KBTBD11: variants seen among roughly 807,000 people sequenced by gnomAD.
KBTBD11 encodes kelch repeat and BTB domain containing 11.
For synonymous variants in KBTBD11, 747 were observed against 499.0 expected, an observed-to-expected ratio of 1.50 and a Z score of -6.63; for missense variants, 1,390 against 1,001.8, an observed-to-expected ratio of 1.39 and a Z score of -5.23.
chr8:1,999,130 T>C (rs866327646), intron 1 of KBTBD11, among the ~76,000 whole-genome samples: 6 of 152,116 alleles, frequency 3.9e-5, no homozygotes, highest in East Asian at 3.9e-4. Context: ...CAACATTTTA[T>C]TGTGAAAGAT....
In KBTBD11 at chr8:2,001,740, C is replaced by A; in HGVS notation, c.548C>A (p.Ala183Glu). The change falls in exon 2 of 2, where the codon GCG becomes GAG. Residue 183 changes from alanine (A) to glutamate (E), a missense_variant. Transcript: ENST00000320248. ...CGGGTGCAGGGAGTGAGCCTGACGG[C>A]GCTGCGGCTGCTCCTCGCCGACGCC... is the stretch of plus-strand genomic sequence containing the variant. ...VLRVQGVSLT[A>E]LRLLLADAYS... The A allele has an allele frequency of 1.5e-6, 2 of 1,340,770 alleles. No individual in the cohort carries two copies. Among genetic ancestry groups the A allele is most frequent in the South Asian group, 1.8e-5 (1 of 54,764 alleles). The allele number at this position is 1,340,770 out of a possible 1,614,324, so 83.1% of individuals were successfully genotyped here. A position where few individuals can be genotyped will look rare whatever the true frequency, so the allele number is the denominator to read the frequency against.
chr8:1,981,959 G>C (rs1816554036), intron 1 of KBTBD11, among the ~76,000 whole-genome samples: 1 of 152,144 alleles, frequency 6.6e-6, no homozygotes, highest in Admixed American at 6.6e-5. Context: ...ATAACTGTGT[G>C]AGCCAGTTCC....
chr8:1,979,561 G>C (rs901798944), intron 1 of KBTBD11, among the ~76,000 whole-genome samples: 2 of 152,194 alleles, frequency 1.3e-5, no homozygotes, highest in East Asian at 1.9e-4. Context: ...CCCAGGGGGC[G>C]GAGGTTGCAG....
chr8:2,001,717 G>T lies in KBTBD11; in HGVS notation c.525G>T (p.Arg175=). The T allele has an allele frequency of 7.1e-7, 1 of 1,413,916 alleles. No homozygotes were observed. Among genetic ancestry groups the T allele is most frequent in the Non-Finnish European group, 9.2e-7 (1 of 1,088,034 alleles). 87.6% of individuals were successfully genotyped at this position (1,413,916 alleles called of 1,614,324 possible). The change falls in exon 2 of 2, where the codon CGG becomes CGT. Residue 175 remains arginine (R), a synonymous_variant. Coordinates refer to ENST00000320248, the MANE Select transcript of KBTBD11 (RefSeq NM_014867.3). ...FRARASRDVL[R]VQGVSLTALR... is the part of the protein sequence containing the mutation. ...CGCGCGCGTCGCGGGACGTGCTGCG[G>T]GTGCAGGGAGTGAGCCTGACGGCGC...
chr8:2,002,766 C>T lies in KBTBD11; in HGVS notation c.1574C>T (p.Ser525Phe), dbSNP rs1327091953. 8.1e-6 allele frequency: 12 copies of T among 1,479,378 alleles called. No homozygotes were observed. Among genetic ancestry groups the T allele is most frequent in the African/African-American group, 2.9e-5 (2 of 68,358 alleles). The allele number at this position is 1,479,378 out of a possible 1,614,324, so 91.6% of individuals were successfully genotyped here. A position where few individuals can be genotyped will look rare whatever the true frequency, so the allele number is the denominator to read the frequency against. The change falls in exon 2 of 2, where the codon TCC becomes TTC. Residue 525 changes from serine (S) to phenylalanine (F), a missense_variant. Transcript: ENST00000320248. This position sits in a 1 kb window ranked among gnomAD's most constrained non-coding sequence, Gnocchi z 4.1. ...GCGGGGCCGAGCGGGGTCAGCGTGT[C>T]CCGATACCACTGCCTGGCCAAGCAG... ...QAAGPSGVSV[S>F]RYHCLAKQWS...
Position 2,002,149 on chromosome 8 carries a change from G to A in KBTBD11, c.957G>A (p.Ala319=), listed in dbSNP as rs1817398972. 1.7e-6 allele frequency: 2 copies of A among 1,180,022 alleles called. No homozygotes were observed. Among genetic ancestry groups the A allele is most frequent in the Non-Finnish European group, 1.0e-6 (1 of 957,438 alleles). 73.1% of individuals were successfully genotyped at this position (1,180,022 alleles called of 1,614,324 possible). The change falls in exon 2 of 2, where the codon GCG becomes GCA. Residue 319 remains alanine, a synonymous_variant. Coordinates refer to ENST00000320248, the MANE Select transcript of KBTBD11 (RefSeq NM_014867.3). This position sits in a 1 kb window ranked among gnomAD's most constrained non-coding sequence, Gnocchi z 4.1. ...GSRPQSPSGD[A]DARGDAAVYC... is the part of the protein sequence containing the mutation. ...GGCCTCAGAGCCCCTCGGGGGACGC[G>A]GACGCGCGCGGGGACGCGGCCGTCT...
chr8:2,000,169 C>T (rs1214915867), intron 1 of KBTBD11, 116 bp from the exon 2 acceptor site: 2 of 152,202 alleles, frequency 1.3e-5, no homozygotes, highest in African/African-American at 2.4e-5. Context: ...CCCTTTACAA[C>T]CAAAACTGAA....
At chr8:1,975,251 T>A (rs1036357056) in intron 1 of KBTBD11, 19 of 152,264 alleles carry the variant, frequency 1.2e-4, no homozygotes, top group African/African-American at 4.6e-4. Flanking sequence ...GAACTTTCCA[T>A]GTCAGTTGCA....
At chr8:1,989,503 G>T (rs1001912969) in intron 1 of KBTBD11, among the ~76,000 whole-genome samples, 1 of 152,164 alleles carries the variant, frequency 6.6e-6, no homozygotes, top group Non-Finnish European at 1.5e-5. Flanking sequence ...GGTCCATGCA[G>T]GTGTATCGTC....
intron 1 of KBTBD11, among the ~76,000 whole-genome samples, chr8:1,993,532 CCCA>C (rs1817011494): frequency 3.1e-5 from 1 of 31,834 alleles, no homozygotes; most frequent in Non-Finnish European, 6.2e-5. Flanking sequence ...CATCCATCCA[CCCA>C]CCCACCCACC....
intron 1 of KBTBD11, among the ~76,000 whole-genome samples, chr8:1,986,910 C>G (rs1269376086): frequency 1.3e-5 from 2 of 150,522 alleles, no homozygotes; most frequent in Non-Finnish European, 2.9e-5. Flanking sequence ...TGGTGCCTCA[C>G]TCCTGTAATC....
intron 1 of KBTBD11, among the ~76,000 whole-genome samples, chr8:1,978,792 C>T (rs13271843): frequency 0.75 from 113,836 of 151,986 alleles, 42,821 homozygotes; most frequent in South Asian, 0.85. Context: ...AGGTCATGTC[C>T]CTTCCACATA....
At position 2,004,938 on chromosome 8, in the gene KBTBD11, G is replaced by A. The variant is rs1363734931; in HGVS notation, c.*1874G>A. 6.0e-6 allele frequency: 1 copy of A among 167,032 alleles called. No homozygotes were observed. The highest frequency in any genetic ancestry group is 2.4e-5 in the African/African-American group (1 of 41,434). The allele number at this position is 167,032 out of a possible 1,614,324, so 10.3% of individuals were successfully genotyped here. A position where few individuals can be genotyped will look rare whatever the true frequency, so the allele number is the denominator to read the frequency against. On this transcript the variant is annotated 3_prime_UTR_variant, in exon 2 of 2. Transcript: ENST00000320248. ...AAATTTTTATATGAAATGGGACCAG[G>A]ACCAGGCTAATATTTTCAGTCCTTA...
intron 1 of KBTBD11, among the ~76,000 whole-genome samples, chr8:1,992,296 C>G (rs1487220392): frequency 6.6e-6 from 1 of 152,088 alleles, no homozygotes; most frequent in African/African-American, 2.4e-5. Context: ...ACTGATGTCA[C>G]CTGCACAGTT....
In KBTBD11 at chr8:2,002,959, CGGCTTCGAG is replaced by C; in HGVS notation, c.1769_1777del (p.Gly590_Glu592del). On this transcript the variant is annotated inframe_deletion, in exon 2 of 2. Coordinates refer to ENST00000320248, the MANE Select transcript of KBTBD11 (RefSeq NM_014867.3). This position sits in a 1 kb window ranked among gnomAD's most constrained non-coding sequence, Gnocchi z 4.1. ...CCGGCGGCGACGCAGGCCAGGGCGG[CGGCTTCGAG>C]GCGCTGGGCGCCCCCTTGGACGTCC... The C allele has an allele frequency of 7.6e-7, 1 of 1,316,368 alleles. No homozygotes were observed. Among genetic ancestry groups the C allele is most frequent in the Non-Finnish European group, 9.7e-7 (1 of 1,034,266 alleles). The allele number at this position is 1,316,368 out of a possible 1,614,324, so 81.5% of individuals were successfully genotyped here. A position where few individuals can be genotyped will look rare whatever the true frequency, so the allele number is the denominator to read the frequency against.
At chr8:1,973,983 G>C in intron 1 of KBTBD11, 48 bp downstream of exon 1, 2 of 982,234 alleles carry the variant, frequency 2.0e-6, no homozygotes, top group Non-Finnish European at 2.4e-6. Flanking sequence ...CGGGCGGAGC[G>C]GGAAGCAGCC....
chr8:1,984,235 C>G (rs907606558), intron 1 of KBTBD11, among the ~76,000 whole-genome samples: 22 of 145,998 alleles, frequency 1.5e-4, no homozygotes, highest in Admixed American at 1.2e-3. Context: ...CCTGGGAGTT[C>G]GGGACCAGCC....
At chr8:1,991,372 G>C (rs137919376) in intron 1 of KBTBD11, among the ~76,000 whole-genome samples, 65 of 152,380 alleles carry the variant, frequency 4.3e-4, no homozygotes, top group African/African-American at 1.4e-3. Flanking sequence ...GCCTAAGCCA[G>C]AAGTGGCATT....
chr8:1,993,597 C>G (rs1346312664), intron 1 of KBTBD11, among the ~76,000 whole-genome samples: 1 of 148,022 alleles, frequency 6.8e-6, no homozygotes, highest in Non-Finnish European at 1.5e-5. Flanking sequence ...ATCCAGTTGC[C>G]CTTACACAGT....
Sources: allele counts gnomAD v4.1 joint callset (sites outside exome capture counted in the v4.1 genomes callset), GRCh38; gene constraint gnomAD v4.1.1; non-coding constraint Gnocchi (gnomAD v3.1); transcripts MANE v1.5; gene names NCBI Gene and HGNC (gene_info 2026-07-23, HGNC 2026-07-21).